Variants in ADA2 observed in about 807,000 individuals in gnomAD.
The protein encoded by ADA2 is adenosine deaminase 2, also known as adenosine deaminase CECR1.
A neutral mutation model predicts 44.2 loss-of-function variants in ADA2; 29 were observed. The ratio of observed to expected loss-of-function variants is 0.66; its 90% confidence interval spans 0.49 to 0.89. The LOEUF is 0.89. Among genes scored for constraint, ADA2 ranks in the 40% least tolerant of loss-of-function variants. ADA2 has a pLI of 0.00. For synonymous variants in ADA2, 215 were observed against 234.9 expected (o/e 0.92, Z 0.77); for missense variants, 637 against 644.8 (o/e 0.99, Z 0.13).
chr22:17,206,500 CAATAAT>C (rs1245165993), intron 3 of ADA2, among the ~76,000 whole-genome samples: 1 of 151,978 alleles, frequency 6.6e-6, no homozygotes, highest in Non-Finnish European at 1.5e-5. Flanking sequence ...TAATAAATAA[CAATAAT>C]AATAACAAAC....
At chr22:17,184,537 T>G (rs565795609) in intron 7 of ADA2, among the ~76,000 whole-genome samples, 1 of 152,256 alleles carries the variant, frequency 6.6e-6, no homozygotes, top group Non-Finnish European at 1.5e-5. Flanking sequence ...ACAGATTGCT[T>G]CTTACGTGAG....
chr22:17,211,844 CT>C (rs2062421695), intron 1 of ADA2, among the ~76,000 whole-genome samples: 1 of 151,896 alleles, frequency 6.6e-6, no homozygotes, highest in Admixed American at 6.6e-5. Context: ...AGGAGAATTG[CT>C]TGAATCCGGG....
At chr22:17,219,492 A>G (rs2062504501), upstream of ADA2, 1 of 152,366 alleles carries the variant, frequency 6.6e-6, no homozygotes, top group African/African-American at 2.4e-5. Flanking sequence ...CAGGGATCCA[A>G]CTAGAGGCCG....
intron 6 of ADA2, 146 bp downstream of exon 6, chr22:17,189,796 T>A (rs2062091763): frequency 1.6e-6 from 1 of 630,678 alleles, no homozygotes; most frequent in African/African-American, 1.8e-5. Flanking sequence ...GCAGCCCTGC[T>A]GTGTCAGCAG....
rs1361550267 is a variant in ADA2, at chr22:17,182,664, T to C, written c.1179A>G (p.Ala393=). ...GHGFALSKHP[A]VRTYSWKKDI... is the part of the protein sequence containing the mutation. ...CCTTTTTCCAGGAGTAAGTCCTGAC[T>C]GCGGGGTGTTTGCTCAAAGCAAATC... is the stretch of plus-strand genomic sequence containing the variant. The change falls in exon 8 of 10, where the codon GCA becomes GCG. Residue 393 remains alanine (A), a synonymous_variant. Coordinates refer to ENST00000399837, the MANE Select transcript of ADA2 (RefSeq NM_001282225.2). 1 of 1,614,058 alleles carries C rather than the reference T, an allele frequency of 6.2e-7. No homozygotes were observed. Among genetic ancestry groups the C allele is most frequent in the Non-Finnish European group, 8.5e-7 (1 of 1,180,050 alleles).
At chr22:17,213,908 G>A (rs2062443478) in intron 1 of ADA2, among the ~76,000 whole-genome samples, 1 of 151,868 alleles carries the variant, frequency 6.6e-6, no homozygotes, top group Admixed American at 6.6e-5. Context: ...GCGTGGTGGT[G>A]TGTGCCTGTA....
upstream of ADA2, among the ~76,000 whole-genome samples, chr22:17,219,928 G>A (rs1007480239): frequency 6.6e-5 from 10 of 151,940 alleles, no homozygotes; most frequent in East Asian, 1.5e-3. Flanking sequence ...CGCCCACCTC[G>A]GCCTCCCAAA....
At chr22:17,212,904 C>T (rs2062432715) in intron 1 of ADA2, among the ~76,000 whole-genome samples, 1 of 151,694 alleles carries the variant, frequency 6.6e-6, no homozygotes, top group African/African-American at 2.4e-5. Context: ...TCAAGGAATC[C>T]TCCCACCCTA....
intron 4 of ADA2, among the ~76,000 whole-genome samples, chr22:17,196,981 T>C (rs1425351097): frequency 2.0e-5 from 3 of 152,172 alleles, no homozygotes; most frequent in Non-Finnish European, 4.4e-5. Flanking sequence ...AAGAGCAGCC[T>C]GGCCAACATG....
Position 17,209,581 on chromosome 22 carries a change from T to C in ADA2, c.97A>G (p.Thr33Ala), listed in dbSNP as rs558427920. 2.5e-6 allele frequency: 4 copies of C among 1,614,094 alleles called. No homozygotes were observed. The African/African-American group carries it at 5.3e-5, about 22-fold the overall frequency. ...FFGSALSIDE[T>A]RAHLLLKEKM... Reference sequence around the variant, plus strand: ...TCTTTCAACAACAGATGCGCCCGTGTTTCATCTATGGATAGAGCTGAGCCG... The same window carrying C: ...TCTTTCAACAACAGATGCGCCCGTGCTTCATCTATGGATAGAGCTGAGCCG... The change falls in exon 2 of 10, where the codon ACA (threonine) becomes GCA (alanine). Residue 33 changes from threonine (T) to alanine (A), a missense_variant. By Grantham distance (58) the Thr-to-Ala change is moderately conservative (BLOSUM62 0). Transcript: ENST00000399837.
chr22:17,181,815 C>T lies in ADA2; in HGVS notation c.1442+5G>A. The T allele has an allele frequency of 6.2e-7, 1 of 1,612,072 alleles. No individual in the cohort carries two copies. Among genetic ancestry groups the T allele is most frequent in the Non-Finnish European group, 8.5e-7 (1 of 1,178,962 alleles). On this transcript the variant is annotated splice_donor_5th_base_variant and intron_variant, in intron 9 of 9. Transcript: ENST00000399837. ...GGGGGACCTGGGAGGACACAGGACACTCACTTGATAGAGTTCATGGCCAGC... is the reference window on the plus strand; with the variant it reads ...GGGGGACCTGGGAGGACACAGGACATTCACTTGATAGAGTTCATGGCCAGC...
intron 7 of ADA2, among the ~76,000 whole-genome samples, chr22:17,185,757 T>G (rs1255940139): frequency 6.6e-6 from 1 of 152,158 alleles, no homozygotes; most frequent in Non-Finnish European, 1.5e-5. Context: ...ACAAGGTCCC[T>G]TTCTCTGAGA....
chr22:17,191,385 GAGTCACCA>G (rs757390867), intron 5 of ADA2, among the ~76,000 whole-genome samples: 36 of 152,206 alleles, frequency 2.4e-4, no homozygotes, highest in Admixed American at 6.5e-5. Flanking sequence ...GCTCATAAAT[GAGTCACCA>G]GGCCAATGTG....
Position 17,209,488 on chromosome 22 carries a change from T to C in ADA2, c.190A>G (p.Met64Val), listed in dbSNP as rs771930342. 20 of 1,614,020 alleles carry C rather than the reference T, an allele frequency of 1.2e-5. No individual in the cohort carries two copies. In the South Asian group the frequency reaches 1.3e-4, roughly 11 times the overall value. ...TTCATCTCAGCGATTTTGAGCGTCA[T>C]GAGCCTCTCATTGGCCAGCTCCTCC... ...TKEELANERLMTLKIAEMKEA... is the reference protein window; with the variant it reads ...TKEELANERLVTLKIAEMKEA... The change falls in exon 2 of 10, where the codon ATG (methionine) becomes GTG (valine). Residue 64 changes from methionine (M) to valine (V), a missense_variant. Physicochemically the swap from Met to Val is conservative, Grantham distance 21 (BLOSUM62 1). Transcript: ENST00000399837.
chr22:17,188,298 T>C (rs1568971818), intron 7 of ADA2, 41 bp downstream of exon 7: 1 of 1,476,908 alleles, frequency 6.8e-7, no homozygotes, highest in East Asian at 2.3e-5. Flanking sequence ...GCTCTCCCAT[T>C]GACCACCTCC....
At chr22:17,201,443 T>C (rs2062286471) in intron 4 of ADA2, among the ~76,000 whole-genome samples, 1 of 152,190 alleles carries the variant, frequency 6.6e-6, no homozygotes, top group South Asian at 2.1e-4. Context: ...ACTGCCACCA[T>C]GTGGGCCTTT....
intron 5 of ADA2, 65 bp from the exon 6 acceptor site, chr22:17,190,097 A>G (rs2062096506): frequency 7.8e-7 from 1 of 1,286,740 alleles, no homozygotes; most frequent in African/African-American, 1.6e-5. Flanking sequence ...ACCCCAGAGC[A>G]CACCCTCCGT....
Position 17,188,128 on chromosome 22 carries a change from AAGAG to A in ADA2, c.1081+207_1081+210del, listed in dbSNP as rs562277032. ...AAAAGAAAACAGGAAGGAAAGAAGAAAGAGAAACTAGAAATAATACATGTAAAGT... is the reference window on the plus strand; with the variant it reads ...AAAAGAAAACAGGAAGGAAAGAAGAAAAACTAGAAATAATACATGTAAAGT... On this transcript the variant is annotated intron_variant, in intron 7 of 9. Transcript: ENST00000399837. Among the ~76,000 whole-genome samples the A allele has an allele frequency of 2.7e-4, 41 of 152,144 alleles. 1 individual carries two copies. The South Asian group carries it at 7.1e-3, about 26-fold the overall frequency.
intron 5 of ADA2, among the ~76,000 whole-genome samples, chr22:17,190,861 G>A (rs2062106186): frequency 6.6e-6 from 1 of 152,260 alleles, no homozygotes; most frequent in African/African-American, 2.4e-5. Flanking sequence ...CAAAGCCAGA[G>A]CTTAGCTCCT....
Sources: gnomAD v4.1 joint callset for allele counts (sites outside exome capture counted in the v4.1 genomes callset) on GRCh38, gnomAD v4.1.1 for gene constraint, MANE v1.5 for transcripts, NCBI Gene and HGNC (gene_info 2026-07-23, HGNC 2026-07-21) for gene names.